GRAMD4: variants seen among roughly 807,000 people sequenced by gnomAD.
GRAMD4 encodes GRAM domain-containing protein 4.
In GRAMD4, 25 loss-of-function variants were observed where a neutral mutation model predicts 83.9. The observed-to-expected ratio is 0.30, with a 90% CI of 0.22 to 0.42. The LOEUF is 0.42. Ranked by LOEUF, GRAMD4 falls within the 10% of genes least tolerant of loss-of-function variation. The pLI, the probability that GRAMD4 is intolerant of heterozygous loss-of-function variation, is 1.00. For synonymous variants in GRAMD4, 336 were observed against 320.9 expected, an observed-to-expected ratio of 1.05 and a Z score of -0.50; for missense variants, 593 against 788.7, an observed-to-expected ratio of 0.75 and a Z score of 2.97.
intron 16 of GRAMD4, 97 bp from the exon 17 acceptor site, chr22:46,675,371 C>A: frequency 1.2e-6 from 1 of 802,292 alleles, no homozygotes; most frequent in South Asian, 1.4e-5. Context: ...CTGTCCATCC[C>A]ACTGGGGGCT....
At chr22:46,666,057 C>T (rs1382552967) in intron 9 of GRAMD4, among the ~76,000 whole-genome samples, 1 of 152,248 alleles carries the variant, frequency 6.6e-6, no homozygotes, top group Non-Finnish European at 1.5e-5. Flanking sequence ...TTCCTGCTGG[C>T]TGCCTGTTGG....
intron 2 of GRAMD4, among the ~76,000 whole-genome samples, chr22:46,633,830 AG>A (rs1185317449): frequency 1.3e-5 from 2 of 152,044 alleles, no homozygotes; most frequent in Admixed American, 6.5e-5. Context: ...CCGGCCGTAC[AG>A]GGGGTGTTTT....
At chr22:46,599,555 G>A (rs2081292930) in intron 1 of GRAMD4, among the ~76,000 whole-genome samples, 1 of 152,114 alleles carries the variant, frequency 6.6e-6, no homozygotes, top group Non-Finnish European at 1.5e-5. Flanking sequence ...TTGAACTCCT[G>A]ACCTCAGGTG....
chr22:46,601,806 T>C (rs2081314758), intron 1 of GRAMD4, among the ~76,000 whole-genome samples: 1 of 152,110 alleles, frequency 6.6e-6, no homozygotes, highest in African/African-American at 2.4e-5. Context: ...TAAAAAACTT[T>C]TTTTTTAAGT....
At chr22:46,585,846 G>C (rs919247170) in intron 1 of GRAMD4, among the ~76,000 whole-genome samples, 1 of 152,084 alleles carries the variant, frequency 6.6e-6, no homozygotes, top group African/African-American at 2.4e-5. Flanking sequence ...CTTGAGACCG[G>C]CCTCTCAGGT....
At chr22:46,597,396 G>A (rs2081271703) in intron 1 of GRAMD4, among the ~76,000 whole-genome samples, 1 of 152,214 alleles carries the variant, frequency 6.6e-6, no homozygotes, top group Admixed American at 6.6e-5. Context: ...TAGATCCAGA[G>A]GAACTTCTTT....
downstream of GRAMD4, among the ~76,000 whole-genome samples, chr22:46,680,609 T>C (rs1601700498): frequency 4.0e-5 from 4 of 101,006 alleles, no homozygotes; most frequent in African/African-American, 3.9e-5. Flanking sequence ...CACCCATTCA[T>C]CCATCCACCC....
chr22:46,673,738 C>G lies in GRAMD4; in HGVS notation c.1308C>G (p.Ala436=). Residue 436 remains alanine (A), a synonymous_variant, in exon 15 of 19, where the codon GCC becomes GCG. Transcript: ENST00000406902. ...CCGGCCTGGGTAAAGAGGAGGACGC[C>G]GGTCGCTTCCACAGCACCAAGAAGG... ...APAGLGKEED[A]GRFHSTKKGN... is the part of the protein sequence containing the mutation. 1 of 1,612,886 alleles carries G rather than the reference C, an allele frequency of 6.2e-7. No homozygotes were observed. The highest frequency in any genetic ancestry group is 1.1e-5 in the South Asian group (1 of 91,082).
intron 1 of GRAMD4, chr22:46,587,807 G>A (rs1331095032): frequency 4.6e-6 from 3 of 648,726 alleles, no homozygotes; most frequent in Non-Finnish European, 5.7e-6. Context: ...CTGCCTAACA[G>A]TGGAGGTGGC....
intron 1 of GRAMD4, among the ~76,000 whole-genome samples, chr22:46,578,537 G>A (rs2081067162): frequency 6.6e-6 from 1 of 152,158 alleles, no homozygotes; most frequent in Admixed American, 6.5e-5. Context: ...ATGGGTTTAG[G>A]AGGTCAGTCA....
At chr22:46,604,190 G>A (rs1009317458) in intron 1 of GRAMD4, among the ~76,000 whole-genome samples, 1 of 152,080 alleles carries the variant, frequency 6.6e-6, no homozygotes, top group Non-Finnish European at 1.5e-5. Context: ...TGCGTGGCAG[G>A]GCTGGCCTCC....
intron 1 of GRAMD4, among the ~76,000 whole-genome samples, chr22:46,623,618 G>A (rs1269958429): frequency 2.6e-5 from 4 of 151,900 alleles, no homozygotes; most frequent in African/African-American, 4.8e-5. Flanking sequence ...GGATGGTCTC[G>A]ATGTCCTGAC....
At chr22:46,577,058 G>A (rs1321684331), upstream of GRAMD4, 3 of 146,556 alleles carry the variant, frequency 2.0e-5, no homozygotes, top group East Asian at 2.0e-4. Context: ...GGGGCGGGGC[G>A]GCGGCTGCGC....
intron 13 of GRAMD4, among the ~76,000 whole-genome samples, chr22:46,671,525 A>G (rs1023096366): frequency 2.6e-5 from 4 of 151,516 alleles, no homozygotes; most frequent in African/African-American, 9.7e-5. Context: ...GCATGGTGGC[A>G]GGCGCCTGTA....
At chr22:46,594,291 A>C (rs1201237413) in intron 1 of GRAMD4, among the ~76,000 whole-genome samples, 2 of 150,460 alleles carry the variant, frequency 1.3e-5, no homozygotes, top group African/African-American at 2.4e-5. Context: ...CCCACAGGCC[A>C]TACCTGCCTG....
intron 1 of GRAMD4, among the ~76,000 whole-genome samples, chr22:46,595,086 G>A (rs993132767): frequency 6.6e-6 from 1 of 152,138 alleles, no homozygotes; most frequent in African/African-American, 2.4e-5. Context: ...AGTTGGGTCC[G>A]CATCCCAGCC....
rs112084477 is a variant in GRAMD4, at chr22:46,608,454, G to A, written c.-49-18297G>A. 7.1e-4 allele frequency among the ~76,000 whole-genome samples: 108 copies of A among 152,294 alleles called. 1 individual carries two copies. Among genetic ancestry groups the A allele is most frequent in the African/African-American group, 2.2e-3 (91 of 41,562 alleles). On this transcript the variant is annotated intron_variant, in intron 1 of 1. Transcript: ENST00000431155. ...AGCACTTTGGGAGGCCGAGGCAGGCGGATCACCCGAGGTCGGGAGTTGGAG... is the reference window on the plus strand; with the variant it reads ...AGCACTTTGGGAGGCCGAGGCAGGCAGATCACCCGAGGTCGGGAGTTGGAG...
Position 46,673,798 on chromosome 22 carries a change from C to A in GRAMD4, c.1368C>A (p.Asn456Lys). The A allele has an allele frequency of 6.2e-7, 1 of 1,613,050 alleles. No homozygotes were observed. Among genetic ancestry groups the A allele is most frequent in the South Asian group, 1.1e-5 (1 of 91,086 alleles). Residue 456 changes from asparagine to lysine, a missense_variant, in exon 15 of 19, where the codon AAC becomes AAA. By Grantham distance (94) the Asn-to-Lys change is moderately conservative (BLOSUM62 0). This residue lies in a region of GRAMD4 where 171 missense variants were observed against 199.6 expected (regional missense o/e 0.86). Transcript: ENST00000406902. ...ACGAGATCTTCAATCTGACAGAAAA[C>A]GAGCGTCCGCTGGCGGGTATGTGTG... is the stretch of plus-strand genomic sequence containing the variant. ...NFHEIFNLTE[N>K]ERPLAVCENG...
Position 46,677,297 on chromosome 22 carries a change from T to C in GRAMD4, c.*46T>C, listed in dbSNP as rs769255678. On this transcript the variant is annotated 3_prime_UTR_variant, in exon 19 of 19. Coordinates refer to ENST00000406902, the MANE Select transcript of GRAMD4 (RefSeq NM_015124.5). ...TGCTGGAATTTTCTTTTTCTTTTTC[T>C]TTTTCTTTTTTTTTTTTTACGATTT... 4 of 1,551,406 alleles carry C rather than the reference T, an allele frequency of 2.6e-6. No individual in the cohort carries two copies. The African/African-American group carries it at 5.7e-5, about 22-fold the overall frequency.
Sources: gnomAD v4.1 joint callset for allele counts (sites outside exome capture counted in the v4.1 genomes callset) on GRCh38, gnomAD v4.1.1 for gene constraint, gnomAD v4.1.1 regional missense constraint, MANE v1.5 for transcripts, NCBI Gene and HGNC (gene_info 2026-07-23, HGNC 2026-07-21) for gene names.